Variants in RGS5 observed in about 807,000 individuals in gnomAD.
RGS5 encodes regulator of G protein signaling 5.
RGS5 carries 20 observed loss-of-function variants against 18.9 expected under a neutral mutation model. The observed-to-expected ratio is 1.06, with a 90% CI of 0.74 to 1.54. RGS5 has a LOEUF of 1.54. Among genes scored for constraint, RGS5 ranks in the 40% most tolerant of loss-of-function variants. The pLI is 0.00. For missense variants in RGS5, 201 were observed against 211.8 expected (o/e 0.95, Z 0.32); for synonymous variants, 57 against 76.2 (o/e 0.75, Z 1.31).
intron 2 of RGS5, among the ~76,000 whole-genome samples, chr1:163,275,261 C>A (rs1180537361): frequency 1.3e-5 from 2 of 152,206 alleles, no homozygotes; most frequent in African/African-American, 4.8e-5. Context: ...CCAGTCCCTG[C>A]TACCCATGGT....
chr1:163,310,357 C>T (rs1243853567), intron 1 of RGS5, among the ~76,000 whole-genome samples: 7 of 152,044 alleles, frequency 4.6e-5, no homozygotes, highest in Non-Finnish European at 8.8e-5. Flanking sequence ...GAGGCCGAAG[C>T]GGGCGGATCA....
chr1:163,217,497 C>A, intron 1 of RGS5: 2 of 1,498,996 alleles, frequency 1.3e-6, no homozygotes, highest in Non-Finnish European at 1.8e-6. Context: ...TAAAGAAAAC[C>A]ATTATTTAAG....
chr1:163,249,715 CA>C (rs1265364483), intron 2 of RGS5, among the ~76,000 whole-genome samples: 1 of 152,156 alleles, frequency 6.6e-6, no homozygotes, highest in Non-Finnish European at 1.5e-5. Context: ...CGCTTGAAAC[CA>C]GGAGGCAGAG....
At chr1:163,255,358 T>G (rs1648242236) in intron 2 of RGS5, among the ~76,000 whole-genome samples, 1 of 152,146 alleles carries the variant, frequency 6.6e-6, no homozygotes, top group South Asian at 2.1e-4. Context: ...TGAGAAAATC[T>G]AGAAGAAATG....
chr1:163,297,120 T>A (rs1420615610), intron 2 of RGS5, among the ~76,000 whole-genome samples: 2 of 152,084 alleles, frequency 1.3e-5, no homozygotes, highest in African/African-American at 4.8e-5. Context: ...CCAAGACAGT[T>A]GGAGGTAAAG....
At chr1:163,222,941 C>A (rs1647262060) in intron 2 of RGS5, among the ~76,000 whole-genome samples, 1 of 152,056 alleles carries the variant, frequency 6.6e-6, no homozygotes, top group Admixed American at 6.6e-5. Flanking sequence ...CTCACTGCAA[C>A]CTCCACCTCC....
intron 1 of RGS5, among the ~76,000 whole-genome samples, chr1:163,177,159 A>G (rs934906696): frequency 2.6e-5 from 4 of 152,216 alleles, no homozygotes. Flanking sequence ...ACTATTGTGG[A>G]AACCCCCACC....
At chr1:163,149,515 G>T (rs1198483095) in intron 4 of RGS5, among the ~76,000 whole-genome samples, 1 of 152,084 alleles carries the variant, frequency 6.6e-6, no homozygotes, top group Non-Finnish European at 1.5e-5. Context: ...ATTTCTCTTG[G>T]TATTTTTATG....
chr1:163,190,576 C>T (rs1659302046), intron 1 of RGS5, among the ~76,000 whole-genome samples: 1 of 152,186 alleles, frequency 6.6e-6, no homozygotes, highest in Admixed American at 6.5e-5. Context: ...AGCTGCCAAA[C>T]TCTATCATCA....
chr1:163,168,231 T>G, intron 2 of RGS5, 27 bp downstream of exon 2: 2 of 1,525,378 alleles, frequency 1.3e-6, no homozygotes, highest in Non-Finnish European at 1.8e-6. Context: ...CTGGAGGAAA[T>G]GAGTGGAATC....
intron 2 of RGS5, among the ~76,000 whole-genome samples, chr1:163,253,697 T>C (rs1648182834): frequency 6.6e-6 from 1 of 151,850 alleles, no homozygotes; most frequent in Non-Finnish European, 1.5e-5. Flanking sequence ...ATGTGCACAA[T>C]GTGCAGGTTA....
intron 1 of RGS5, among the ~76,000 whole-genome samples, chr1:163,314,443 C>T (rs989538887): frequency 1.3e-5 from 2 of 151,832 alleles, no homozygotes; most frequent in Admixed American, 6.6e-5. Flanking sequence ...TCCTAAGGGT[C>T]CATATTAGAA....
chr1:163,306,610 A>G lies in RGS5; in HGVS notation c.-377-281T>C, dbSNP rs537420401. ...ATATGTTGAAATCCCAATCCCAAAT[A>G]CTTCAGAATGTGACCTTATTTGTAA... On this transcript the variant is annotated intron_variant, in intron 1 of 5. Transcript: ENST00000618415. Among the ~76,000 whole-genome samples the G allele has an allele frequency of 5.9e-5, 9 of 152,264 alleles. No homozygotes were observed. The South Asian group carries it at 1.9e-3, about 32-fold the overall frequency.
upstream of RGS5, among the ~76,000 whole-genome samples, chr1:163,222,144 C>T (rs7537861): frequency 0.14 from 20,668 of 152,056 alleles, 1,494 homozygotes; most frequent in Non-Finnish European, 0.15. Context: ...ACCCCCAGGC[C>T]GCCTGATCAG....
At position 163,143,251 on chromosome 1, in the gene RGS5, A is replaced by G. The variant is rs1380474413; in HGVS notation, c.*4091T>C. On this transcript the variant is annotated 3_prime_UTR_variant, in exon 5 of 5. Transcript: ENST00000313961. Reference sequence around the variant, plus strand: ...TACGTGCTTGTCTAATAGAATGAAGAGACTATAAGCCAGAGAGGTTTAATA... The same window carrying G: ...TACGTGCTTGTCTAATAGAATGAAGGGACTATAAGCCAGAGAGGTTTAATA... 4.6e-5 allele frequency: 7 copies of G among 152,206 alleles called. No homozygotes were observed. Among genetic ancestry groups the G allele is most frequent in the Non-Finnish European group, 1.5e-5 (1 of 68,028 alleles). The allele number at this position is 152,206 out of a possible 1,614,324, so 9.4% of individuals were successfully genotyped here.
chr1:163,282,776 T>C (rs1649030372), intron 2 of RGS5, among the ~76,000 whole-genome samples: 1 of 151,986 alleles, frequency 6.6e-6, no homozygotes. Flanking sequence ...TACTACTAGA[T>C]GACTGGGTAC....
chr1:163,275,972 G>A (rs1648842086), intron 2 of RGS5, among the ~76,000 whole-genome samples: 1 of 151,990 alleles, frequency 6.6e-6, no homozygotes, highest in South Asian at 2.1e-4. Context: ...CGTAAAATAA[G>A]AGTCTACCTC....
chr1:163,180,660 C>A (rs2102414955), intron 1 of RGS5, among the ~76,000 whole-genome samples: 1 of 147,038 alleles, frequency 6.8e-6, no homozygotes, highest in South Asian at 2.2e-4. Context: ...CCTCATGCTG[C>A]CCCTTTGTAA....
chr1:163,173,061 T>C (rs530961885), intron 1 of RGS5, among the ~76,000 whole-genome samples: 173 of 152,306 alleles, frequency 1.1e-3, no homozygotes, highest in African/African-American at 4.1e-3. Flanking sequence ...GTATCTGACA[T>C]TAATTTGGCA....
Sources: gnomAD v4.1 joint callset for allele counts (sites outside exome capture counted in the v4.1 genomes callset) on GRCh38, gnomAD v4.1.1 for gene constraint, MANE v1.5 for transcripts, NCBI Gene and HGNC (gene_info 2026-07-23, HGNC 2026-07-21) for gene names.